The following ACTA2 variants were observed in gnomAD, a reference collection of about 807,000 sequenced individuals.
ACTA2 encodes the protein actin alpha 2, smooth muscle.
Under a neutral mutation model 39.5 loss-of-function variants are expected in ACTA2, and 12 were observed. The observed-to-expected ratio is 0.30, with a 90% CI of 0.19 to 0.49. The LOEUF is 0.49. Ranked by LOEUF, ACTA2 falls within the 20% of genes least tolerant of loss-of-function variation. The probability of loss-of-function intolerance (pLI) is 0.99; values close to 1 mark genes in which losing one functional copy is unlikely to be tolerated. For missense variants in ACTA2, 236 were observed against 498.8 expected (o/e 0.47, Z 5.02); for synonymous variants, 158 against 180.6 (o/e 0.88, Z 1.00).
At chr10:88,985,655 C>A (rs1001268048) in intron 1 of ACTA2, among the ~76,000 whole-genome samples, 1 of 152,216 alleles carries the variant, frequency 6.6e-6, no homozygotes, top group Non-Finnish European at 1.5e-5. Flanking sequence ...CCCCCACCCC[C>A]ATCCCACTCC....
At chr10:88,958,500 G>T (rs1481015656) in intron 1 of ACTA2, among the ~76,000 whole-genome samples, 1 of 152,174 alleles carries the variant, frequency 6.6e-6, no homozygotes, top group Non-Finnish European at 1.5e-5. Context: ...TGGTAGAGCA[G>T]GGATTCAAAC....
chr10:88,941,954 C>T (rs1845862891), intron 4 of ACTA2, 85 bp from the exon 5 acceptor site: 2 of 1,273,130 alleles, frequency 1.6e-6, no homozygotes, highest in Non-Finnish European at 2.2e-6. Context: ...TTGATGGATG[C>T]AGAGGGGCCT....
At chr10:88,961,002 G>A (rs140566300) in intron 1 of ACTA2, among the ~76,000 whole-genome samples, 66 of 152,270 alleles carry the variant, frequency 4.3e-4, no homozygotes, top group Non-Finnish European at 7.8e-4. Flanking sequence ...GAGTGTGTGT[G>A]TTGAGAATTG....
rs965193826 is a variant in ACTA2 at position 88,984,576 on chromosome 10, T to C, written c.-24+6363A>G. Among the ~76,000 whole-genome samples, 20 of 152,262 alleles carry C rather than the reference T, an allele frequency of 1.3e-4. 1 individual carries two copies. The highest frequency in any genetic ancestry group is 4.8e-4 in the African/African-American group (20 of 41,572). ...AGATATCCCAGTGTTTGCAAACTGG[T>C]TCAATATTGTGTTGATTTTTGTTTT... On this transcript the variant is annotated intron_variant, in intron 1 of 4. Transcript: ENST00000415557.
At chr10:88,959,933 G>A (rs1213474251) in intron 1 of ACTA2, among the ~76,000 whole-genome samples, 2 of 152,138 alleles carry the variant, frequency 1.3e-5, no homozygotes, top group African/African-American at 4.8e-5. Flanking sequence ...GAAATCACAT[G>A]TTTTTGAGAA....
intron 1 of ACTA2, among the ~76,000 whole-genome samples, chr10:88,980,595 C>T (rs1846687172): frequency 6.6e-6 from 1 of 152,160 alleles, no homozygotes; most frequent in African/African-American, 2.4e-5. Context: ...CTAACACAGT[C>T]CATGGTACAA....
chr10:88,939,611 G>A lies in ACTA2; in HGVS notation c.704C>T (p.Ser235Leu), dbSNP rs748559472. 6.2e-7 allele frequency: 1 copy of A among 1,614,112 alleles called. No individual in the cohort carries two copies. Among genetic ancestry groups the A allele is most frequent in the Non-Finnish European group, 8.5e-7 (1 of 1,179,988 alleles). The change falls in exon 7 of 9, where the codon TCA becomes TTA. Residue 235 changes from serine to leucine, a missense_variant. Transcript: ENST00000224784. ...FENEMATAAS[S>L]SSLEKSYELP... is the part of the protein sequence containing the mutation. The stretch of plus-strand genomic sequence containing the variant: ...CTCGTAACTCTTCTCAAGGGAGGAT[G>A]AGGATGCGGCAGTGGCCATCTCATT...
In ACTA2 at chr10:88,935,288, T is replaced by C; in HGVS notation, c.1069A>G (p.Met357Val). 6.2e-7 allele frequency: 1 copy of C among 1,613,968 alleles called. No homozygotes were observed. Among genetic ancestry groups the C allele is most frequent in the Non-Finnish European group, 8.5e-7 (1 of 1,179,880 alleles). Reference sequence around the variant, plus strand: ...TCGTATTCCTGTTTGCTGATCCACATCTGCTGGAAGGTGGACAGAGAGGCC... The same window carrying C: ...TCGTATTCCTGTTTGCTGATCCACACCTGCTGGAAGGTGGACAGAGAGGCC... ...ILASLSTFQQ[M>V]WISKQEYDEA... Residue 357 changes from methionine to valine, a missense_variant, in exon 9 of 9, where the codon ATG becomes GTG. Coordinates refer to ENST00000224784, the MANE Select transcript of ACTA2 (RefSeq NM_001613.4).
intron 8 of ACTA2, 35 bp from the exon 9 acceptor site, chr10:88,935,401 G>A (rs754661727): frequency 5.0e-6 from 8 of 1,611,534 alleles, no homozygotes; most frequent in Non-Finnish European, 6.8e-6. Flanking sequence ...GGTCATTAAT[G>A]TCATCATTAG....
chr10:88,942,130 A>G (rs1845867317), intron 4 of ACTA2, among the ~76,000 whole-genome samples: 1 of 152,140 alleles, frequency 6.6e-6, no homozygotes, highest in African/African-American at 2.4e-5. Context: ...GGGGAAAGGA[A>G]AGTCCAGCTT....
chr10:88,990,958 T>G lies in ACTA2; in HGVS notation c.-43A>C. The G allele has an allele frequency of 1.2e-6, 2 of 1,612,964 alleles. No individual in the cohort carries two copies. Among genetic ancestry groups the G allele is most frequent in the Non-Finnish European group, 1.7e-6 (2 of 1,179,020 alleles). ...GCTTACCCCGTCTTAGTCCCGGGGA[T>G]AGGCAAAGTGGGGCGGGCGCGGGAC... On this transcript the variant is annotated 5_prime_UTR_variant, in exon 1 of 5. Transcript: ENST00000415557. The surrounding 1 kb of genome is among the most constrained non-coding windows in gnomAD (Gnocchi z 4.9).
chr10:88,935,714 C>T lies in ACTA2; in HGVS notation c.991-348G>A, dbSNP rs1255382906. The T allele has an allele frequency of 2.1e-5, 7 of 335,432 alleles. No homozygotes were observed. The East Asian group carries it at 5.2e-4, about 25-fold the overall frequency. 20.8% of individuals were successfully genotyped at this position (335,432 alleles called of 1,614,324 possible). On this transcript the variant is annotated intron_variant, in intron 8 of 8. Coordinates refer to ENST00000224784, the MANE Select transcript of ACTA2 (RefSeq NM_001613.4). ...TTTCCATGAACTCTGCCTCAGAATT[C>T]AACACGATACACTTTCTGTAGAAAC...
At chr10:88,971,143 AG>A (rs1318949231) in intron 1 of ACTA2, among the ~76,000 whole-genome samples, 2 of 152,358 alleles carry the variant, frequency 1.3e-5, no homozygotes, top group Admixed American at 1.3e-4. Flanking sequence ...GGGCAGAAAA[AG>A]TTTGTACCAA....
intron 1 of ACTA2, among the ~76,000 whole-genome samples, chr10:88,950,359 G>A (rs79939899): frequency 0.089 from 13,522 of 152,184 alleles, 767 homozygotes; most frequent in South Asian, 0.28. Context: ...TATAAAAAAG[G>A]CAGTTCTTTT....
chr10:88,967,857 T>C (rs1183908993), intron 1 of ACTA2, among the ~76,000 whole-genome samples: 1 of 152,204 alleles, frequency 6.6e-6, no homozygotes, highest in East Asian at 1.9e-4. Flanking sequence ...GTTGTTCCCT[T>C]TCTTCCTCTG....
chr10:88,970,722 G>C (rs1436042813), intron 1 of ACTA2, among the ~76,000 whole-genome samples: 3 of 152,100 alleles, frequency 2.0e-5, no homozygotes, highest in Non-Finnish European at 4.4e-5. Flanking sequence ...CCTGTTGTGG[G>C]GTGGGGAGAG....
upstream of ACTA2, among the ~76,000 whole-genome samples, chr10:88,955,063 G>T (rs1159096173): frequency 6.7e-6 from 1 of 149,574 alleles, no homozygotes; most frequent in Non-Finnish European, 1.5e-5. Flanking sequence ...AAAAACAGTA[G>T]TGTCGGATAA....
In ACTA2 at chr10:88,941,842, C is replaced by A. The variant is rs1845860425; in HGVS notation, c.397G>T (p.Ala133Ser). The A allele has an allele frequency of 6.2e-7, 1 of 1,613,030 alleles. No homozygotes were observed. Residue 133 changes from alanine to serine, a missense_variant, in exon 5 of 9, where the codon GCC becomes TCC. Physicochemically the swap from Ala to Ser is moderately conservative, Grantham distance 99. Transcript: ENST00000224784. Reference sequence around the variant, plus strand: ...ACCGCCTGGATAGCCACATACATGGCTGGGACATTGAAAGTCTCAAACATA... The same window carrying A: ...ACCGCCTGGATAGCCACATACATGGATGGGACATTGAAAGTCTCAAACATA... ...QIMFETFNVP[A>S]MYVAIQAVLS... is the part of the protein sequence containing the mutation.
chr10:88,981,076 G>C (rs536886076), intron 1 of ACTA2, among the ~76,000 whole-genome samples: 1 of 152,328 alleles, frequency 6.6e-6, no homozygotes, highest in South Asian at 2.1e-4. Flanking sequence ...CCAACTGCGA[G>C]GAAGTCAGCA....
Sources: allele counts gnomAD v4.1 joint callset (sites outside exome capture counted in the v4.1 genomes callset), GRCh38; gene constraint gnomAD v4.1.1; non-coding constraint Gnocchi (gnomAD v3.1); transcripts MANE v1.5; gene names NCBI Gene and HGNC (gene_info 2026-07-23, HGNC 2026-07-21).